Variants in GRIK3 observed in about 807,000 individuals in gnomAD.
GRIK3 encodes the protein glutamate ionotropic receptor kainate type subunit 3.
A neutral mutation model predicts 102.5 loss-of-function variants in GRIK3; 29 were observed. That is an observed-to-expected ratio of 0.28 (90% confidence interval 0.21 to 0.39). GRIK3 has a LOEUF of 0.39. Among genes scored for constraint, GRIK3 ranks in the 10% least tolerant of loss-of-function variants. GRIK3 has a pLI of 1.00. For synonymous variants in GRIK3, 511 were observed against 504.9 expected, an observed-to-expected ratio of 1.01 and a Z score of -0.16; for missense variants, 908 against 1,252.4, an observed-to-expected ratio of 0.73 and a Z score of 4.15.
At position 36,797,088 on chromosome 1, in the gene GRIK3, G is replaced by C. The variant is rs1351531614; in HGVS notation, c.*4763C>G. ...CATGTAGCTCTGCCCTCTTCTTCAG[G>C]GTCTGGAGCTCTGATGTGTGGAGGG... On this transcript the variant is annotated 3_prime_UTR_variant, in exon 16 of 16. Transcript: ENST00000373091. 1 of 151,664 alleles carries C rather than the reference G, an allele frequency of 6.6e-6. No individual in the cohort carries two copies. Among genetic ancestry groups the C allele is most frequent in the Non-Finnish European group, 1.5e-5 (1 of 67,996 alleles). 9.4% of individuals were successfully genotyped at this position (151,664 alleles called of 1,614,324 possible).
chr1:36,983,538 A>G (rs1642271669), intron 1 of GRIK3, among the ~76,000 whole-genome samples: 1 of 152,028 alleles, frequency 6.6e-6, no homozygotes. Context: ...GGTAGGGGCC[A>G]TCATCATTCT....
Position 36,805,116 on chromosome 1 carries a change from C to G in GRIK3, c.2436G>C (p.Glu812Asp). 3 of 1,614,208 alleles carry G rather than the reference C, an allele frequency of 1.9e-6. No homozygotes were observed. In the South Asian group the frequency reaches 3.3e-5, roughly 18 times the overall value. Residue 812 changes from glutamate to aspartate, a missense_variant, in exon 15 of 16, where the codon GAG becomes GAC. This residue lies in a region of GRIK3 where 297 missense variants were observed against 362.7 expected (regional missense o/e 0.82). Coordinates refer to ENST00000373091, the MANE Select transcript of GRIK3 (RefSeq NM_000831.4). ...TCTTCTGGATCCCCAGGGCACTGGCCTCTTTGTTTTCCTCCTCAGGACACC... is the reference window on the plus strand; with the variant it reads ...TCTTCTGGATCCCCAGGGCACTGGCGTCTTTGTTTTCCTCCTCAGGACACC... ...GSGCPEEENK[E>D]ASALGIQKIG... is the part of the protein sequence containing the mutation.
intron 2 of GRIK3, among the ~76,000 whole-genome samples, chr1:36,883,842 G>A (rs570575720): frequency 1.7e-4 from 26 of 152,362 alleles, no homozygotes; most frequent in Non-Finnish European, 3.5e-4. Context: ...GTCTTGGGTT[G>A]TGTTTCCTGT....
At chr1:36,938,138 G>T (rs1313890847) in intron 1 of GRIK3, among the ~76,000 whole-genome samples, 1 of 152,196 alleles carries the variant, frequency 6.6e-6, no homozygotes, top group Non-Finnish European at 1.5e-5. Flanking sequence ...TGCAGAAAAG[G>T]CAGCATGGAG....
At chr1:36,951,568 G>A (rs1464448052) in intron 1 of GRIK3, among the ~76,000 whole-genome samples, 4 of 152,238 alleles carry the variant, frequency 2.6e-5, no homozygotes, top group Non-Finnish European at 5.9e-5. Context: ...GTCGCATGCA[G>A]ATTAATGAGG....
At chr1:36,964,303 T>C (rs1642057500) in intron 1 of GRIK3, among the ~76,000 whole-genome samples, 2 of 152,174 alleles carry the variant, frequency 1.3e-5, no homozygotes, top group South Asian at 4.1e-4. Context: ...GACCTCCCTG[T>C]AGAGGGGGCC....
intron 1 of GRIK3, among the ~76,000 whole-genome samples, chr1:36,929,532 G>T (rs1366419678): frequency 2.0e-5 from 3 of 152,174 alleles, no homozygotes; most frequent in Non-Finnish European, 4.4e-5. Context: ...GGCACAAAGG[G>T]TGTCCATCAT....
chr1:37,016,237 CAG>C (rs1304085024), intron 1 of GRIK3, among the ~76,000 whole-genome samples: 1 of 152,204 alleles, frequency 6.6e-6, no homozygotes, highest in Non-Finnish European at 1.5e-5. Flanking sequence ...TAGGAATACA[CAG>C]GGGATTACAA....
intron 9 of GRIK3, 43 bp from the exon 10 acceptor site, chr1:36,841,982 T>C: frequency 6.6e-7 from 1 of 1,521,924 alleles, no homozygotes. Context: ...ACTGAGCAGC[T>C]AGGGCGGAGG....
intron 1 of GRIK3, among the ~76,000 whole-genome samples, chr1:37,012,060 A>T (rs1221141151): frequency 2.0e-5 from 3 of 152,160 alleles, no homozygotes; most frequent in Non-Finnish European, 2.9e-5. Flanking sequence ...AGGCAGCAAC[A>T]CCTGGGAGTG....
chr1:36,972,249 T>C (rs1222654536), intron 1 of GRIK3, among the ~76,000 whole-genome samples: 1 of 152,242 alleles, frequency 6.6e-6, no homozygotes, highest in African/African-American at 2.4e-5. Context: ...TTCAGTGGTC[T>C]GGAACCTCCT....
chr1:36,926,395 CTT>C (rs779485549), intron 1 of GRIK3, among the ~76,000 whole-genome samples: 3 of 144,798 alleles, frequency 2.1e-5, no homozygotes, highest in Non-Finnish European at 3.0e-5. Flanking sequence ...CTACGCCCCA[CTT>C]TTTTTTTTTT....
At position 36,801,736 on chromosome 1, in the gene GRIK3, G is replaced by T; in HGVS notation, c.*115C>A. The T allele has an allele frequency of 1.2e-6, 1 of 852,664 alleles. No individual in the cohort carries two copies. The highest frequency in any genetic ancestry group is 1.7e-6 in the Non-Finnish European group (1 of 584,626). The allele number at this position is 852,664 out of a possible 1,614,324, so 52.8% of individuals were successfully genotyped here. ...AGGGCAGGAGGCTCCTGGCCCAACA[G>T]GCAGGTGGCAGCTCTGGTCCCCAAG... On this transcript the variant is annotated 3_prime_UTR_variant, in exon 16 of 16. Coordinates refer to ENST00000373091, the MANE Select transcript of GRIK3 (RefSeq NM_000831.4).
chr1:36,879,426 G>A (rs1477106170), intron 3 of GRIK3, among the ~76,000 whole-genome samples: 6 of 152,162 alleles, frequency 3.9e-5, no homozygotes. Flanking sequence ...CCCAGAGGTC[G>A]AGGTGATAGT....
At chr1:36,957,522 A>G (rs1392948322) in intron 1 of GRIK3, among the ~76,000 whole-genome samples, 1 of 97,976 alleles carries the variant, frequency 1.0e-5, no homozygotes, top group South Asian at 3.8e-4. Context: ...GTGCCCCATA[A>G]GCCTGTGTGC....
At chr1:36,814,890 C>A (rs1209697793) in intron 13 of GRIK3, among the ~76,000 whole-genome samples, 3 of 152,160 alleles carry the variant, frequency 2.0e-5, no homozygotes, top group African/African-American at 4.8e-5. Context: ...ATGCCCAGAT[C>A]ACAGAGATGC....
chr1:36,985,755 C>A (rs1642297189), intron 1 of GRIK3, among the ~76,000 whole-genome samples: 1 of 152,176 alleles, frequency 6.6e-6, no homozygotes, highest in South Asian at 2.1e-4. Flanking sequence ...TGTCATTTGA[C>A]CTCAAAGGCA....
intron 1 of GRIK3, among the ~76,000 whole-genome samples, chr1:36,976,878 C>T (rs182483987): frequency 3.3e-4 from 50 of 152,264 alleles, no homozygotes; most frequent in African/African-American, 1.2e-3. Flanking sequence ...TGAAACACAT[C>T]CCTCTGCCAA....
At chr1:37,006,243 C>T (rs1007628719) in intron 1 of GRIK3, among the ~76,000 whole-genome samples, 2 of 152,294 alleles carry the variant, frequency 1.3e-5, no homozygotes, top group South Asian at 2.1e-4. Context: ...CAGACTCCAG[C>T]GGTGTTGACT....
Sources: allele counts gnomAD v4.1 joint callset (sites outside exome capture counted in the v4.1 genomes callset), GRCh38; gene constraint gnomAD v4.1.1; regional missense constraint gnomAD v4.1.1; transcripts MANE v1.5; gene names NCBI Gene and HGNC (gene_info 2026-07-23, HGNC 2026-07-21).